The following LDLRAD4 variants were observed in gnomAD, a reference collection of about 807,000 sequenced individuals.
The protein encoded by LDLRAD4 is low density lipoprotein receptor class A domain containing 4, also known as low-density lipoprotein receptor class A domain-containing protein 4.
LDLRAD4 carries 5 observed loss-of-function variants against 17.0 expected under a neutral mutation model. That is an observed-to-expected ratio of 0.29 (90% CI 0.15 to 0.62). The LOEUF (loss-of-function observed/expected upper bound fraction) is 0.62, where lower values mean the gene tolerates loss of function less well. LDLRAD4 is among the 20% of genes least tolerant of loss of function. The pLI, the probability that LDLRAD4 is intolerant of heterozygous loss-of-function variation, is 0.84. For synonymous variants in LDLRAD4, 168 were observed against 171.8 expected, an observed-to-expected ratio of 0.98 and a Z score of 0.17; for missense variants, 340 against 424.7, an observed-to-expected ratio of 0.80 and a Z score of 1.75.
At chr18:13,488,296 C>T (rs139754885) in intron 3 of LDLRAD4, 2 of 152,364 alleles carry the variant, frequency 1.3e-5, no homozygotes, top group African/African-American at 4.8e-5. Context: ...GAGTGCAGAC[C>T]CCCTCTGTGG....
chr18:13,395,670 G>A (rs1256545596), intron 2 of LDLRAD4, among the ~76,000 whole-genome samples: 2 of 97,388 alleles, frequency 2.1e-5, no homozygotes, highest in Non-Finnish European at 4.2e-5. Context: ...AGGAGCTGGC[G>A]TGGGGGCGGG....
chr18:13,635,925 G>C (rs1367905544), intron 4 of LDLRAD4, among the ~76,000 whole-genome samples: 2 of 126,122 alleles, frequency 1.6e-5, no homozygotes, highest in East Asian at 5.5e-4. Context: ...AGAGAAGACA[G>C]CTATGCTGTG....
chr18:13,409,337 C>T (rs1437192468), intron 2 of LDLRAD4, among the ~76,000 whole-genome samples: 1 of 152,184 alleles, frequency 6.6e-6, no homozygotes, highest in Non-Finnish European at 1.5e-5. Context: ...CTTGGGGATC[C>T]TGTGTAAAAT....
intron 3 of LDLRAD4, chr18:13,611,850 T>G: frequency 1.0e-6 from 1 of 985,378 alleles, no homozygotes; most frequent in East Asian, 1.1e-4. Context: ...GCCTTGCCAG[T>G]ACAGAGCTCG....
At chr18:13,291,527 G>T (rs1360443032) in intron 1 of LDLRAD4, among the ~76,000 whole-genome samples, 5 of 152,100 alleles carry the variant, frequency 3.3e-5, no homozygotes, top group Admixed American at 3.3e-4. Flanking sequence ...GACCTGGCCG[G>T]GTCCCTGGGT....
intron 4 of LDLRAD4, among the ~76,000 whole-genome samples, chr18:13,627,785 G>A (rs2041306522): frequency 6.6e-6 from 1 of 152,176 alleles, no homozygotes; most frequent in African/African-American, 2.4e-5. Flanking sequence ...TGGGCTCCCC[G>A]CTCTCTGAGG....
In LDLRAD4 at chr18:13,343,872, A is replaced by C. The variant is rs150150649; in HGVS notation, c.-382-43469A>C. 3.3e-4 allele frequency among the ~76,000 whole-genome samples: 50 copies of C among 152,274 alleles called. No homozygotes were observed. The East Asian group carries it at 7.5e-3, about 23-fold the overall frequency. ...TTTTTCTGTGCCTTTTGGCTGCATA[A>C]ATGTCTTCTTTTGAGAAGTGTCTGT... On this transcript the variant is annotated intron_variant, in intron 1 of 5. Coordinates refer to ENST00000359446, the Ensembl canonical transcript of LDLRAD4.
rs138775774 is a variant in LDLRAD4 at position 13,428,856 on chromosome 18, C to T, written c.41-9388C>T. Among the ~76,000 whole-genome samples the T allele has an allele frequency of 7.9e-5, 12 of 152,200 alleles. No homozygotes were observed. In the East Asian group the frequency reaches 2.1e-3, roughly 27 times the overall value. ...TGGGTGGGAAAATGAGGTATTTGGC[C>T]TTGGACATAGTAAGCTGAGATGTCT... On this transcript the variant is annotated intron_variant, in intron 2 of 5. Coordinates refer to ENST00000359446, the Ensembl canonical transcript of LDLRAD4.
At chr18:13,243,764 A>G (rs989608833) in intron 1 of LDLRAD4, among the ~76,000 whole-genome samples, 10 of 146,380 alleles carry the variant, frequency 6.8e-5, no homozygotes, top group African/African-American at 2.1e-4. Context: ...CCATCCATCA[A>G]TTTACCCATC....
intron 3 of LDLRAD4, among the ~76,000 whole-genome samples, chr18:13,455,846 T>C (rs974863006): frequency 6.6e-6 from 1 of 152,116 alleles, no homozygotes; most frequent in African/African-American, 2.4e-5. Flanking sequence ...AAATTGCAGT[T>C]GTATATTTTT....
intron 1 of LDLRAD4, among the ~76,000 whole-genome samples, chr18:13,317,092 A>G (rs941740540): frequency 7.9e-5 from 12 of 152,238 alleles, no homozygotes; most frequent in Non-Finnish European, 7.3e-5. Context: ...CGGTGCACAC[A>G]CTAGCCATAA....
chr18:13,337,420 G>A, intron 1 of LDLRAD4, among the ~76,000 whole-genome samples: 1 of 152,168 alleles, frequency 6.6e-6, no homozygotes, highest in Admixed American at 6.5e-5. Flanking sequence ...TAGTTCCATG[G>A]AAAATGGAGT....
intron 1 of LDLRAD4, among the ~76,000 whole-genome samples, chr18:13,229,550 G>A (rs985016514): frequency 2.6e-5 from 4 of 152,140 alleles, no homozygotes; most frequent in Non-Finnish European, 5.9e-5. Flanking sequence ...AGAGACCAAG[G>A]AGAAGATAGA....
chr18:13,448,594 G>GT (rs2091581743), intron 3 of LDLRAD4, among the ~76,000 whole-genome samples: 2 of 151,956 alleles, frequency 1.3e-5, no homozygotes, highest in Middle Eastern at 3.2e-3. Flanking sequence ...GACTCCCAGT[G>GT]TAAGTGTGGT....
chr18:13,397,077 G>A (rs1043799092), intron 2 of LDLRAD4, among the ~76,000 whole-genome samples: 38 of 152,200 alleles, frequency 2.5e-4, no homozygotes, highest in Admixed American at 1.0e-3. Flanking sequence ...TGCTGGGTCC[G>A]CCAACCCTGA....
At chr18:13,320,263 A>G (rs2081145623) in intron 1 of LDLRAD4, among the ~76,000 whole-genome samples, 1 of 152,224 alleles carries the variant, frequency 6.6e-6, no homozygotes, top group African/African-American at 2.4e-5. Flanking sequence ...CCTGCTTTCA[A>G]GATTGCATTA....
chr18:13,386,948 A>ATAGATAGG (rs1391775218), intron 1 of LDLRAD4, among the ~76,000 whole-genome samples: 5 of 115,928 alleles, frequency 4.3e-5, no homozygotes, highest in African/African-American at 2.4e-4. Context: ...AGATAGATAG[A>ATAGATAGG]TGGATGGATG....
chr18:13,464,038 C>G (rs2092533746), intron 3 of LDLRAD4, among the ~76,000 whole-genome samples: 1 of 152,154 alleles, frequency 6.6e-6, no homozygotes, highest in African/African-American at 2.4e-5. Flanking sequence ...ATTTCCCTAC[C>G]TAATGTTAAA....
At position 13,300,109 on chromosome 18, in the gene LDLRAD4, C is replaced by T. The variant is rs548265948; in HGVS notation, c.-383+21921C>T. On this transcript the variant is annotated intron_variant, in intron 1 of 5. Transcript: ENST00000359446. This position sits in a 1 kb window ranked among gnomAD's most constrained non-coding sequence, Gnocchi z 4.2. ...ACAGCCCATGTGGCTCTGCCCCATG[C>T]TTCACACATCTTGGTTCCTGCAAAT... 2.0e-5 allele frequency among the ~76,000 whole-genome samples: 3 copies of T among 152,324 alleles called. No individual in the cohort carries two copies. In the South Asian group the frequency reaches 6.2e-4, roughly 32 times the overall value.
Sources: allele counts gnomAD v4.1 joint callset (sites outside exome capture counted in the v4.1 genomes callset), GRCh38; gene constraint gnomAD v4.1.1; non-coding constraint Gnocchi (gnomAD v3.1); transcripts MANE v1.5; gene names NCBI Gene and HGNC (gene_info 2026-07-23, HGNC 2026-07-21).